AGBL1: variants seen among roughly 807,000 people sequenced by gnomAD.
AGBL1 encodes cytosolic carboxypeptidase 4.
A neutral mutation model predicts 118.9 loss-of-function variants in AGBL1; 130 were observed. That is an observed-to-expected ratio of 1.09 (90% CI 0.95 to 1.26). AGBL1 has a LOEUF of 1.26. Among genes scored for constraint, AGBL1 ranks in the 50% most tolerant of loss-of-function variants. The pLI is 0.00. For synonymous variants in AGBL1, 555 were observed against 478.9 expected (o/e 1.16, Z -2.08); for missense variants, 1,584 against 1,298.1 (o/e 1.22, Z -3.38).
Position 86,911,543 on chromosome 15 carries a change from C to G in AGBL1, c.*4249C>G, listed in dbSNP as rs1056537995. 1 of 152,286 alleles carries G rather than the reference C, an allele frequency of 6.6e-6. No individual in the cohort carries two copies. The highest frequency in any genetic ancestry group is 1.5e-5 in the Non-Finnish European group (1 of 68,122). 9.4% of individuals were successfully genotyped at this position (152,286 alleles called of 1,614,324 possible). A position where few individuals can be genotyped will look rare whatever the true frequency, so the allele number is the denominator to read the frequency against. On this transcript the variant is annotated 3_prime_UTR_variant, in exon 23 of 23. Coordinates refer to ENST00000614907, the MANE Select transcript of AGBL1 (RefSeq NM_001386094.1). ...CTCAGGTTCTGACATTCTTTGTTCT[C>G]TTTGATTTGCCACAGAACATACCCT...
At chr15:86,397,987 C>A (rs1447510409) in intron 18 of AGBL1, among the ~76,000 whole-genome samples, 1 of 152,110 alleles carries the variant, frequency 6.6e-6, no homozygotes, top group Non-Finnish European at 1.5e-5. Flanking sequence ...AGTCAGGGCC[C>A]AAACTGTGAT....
chr15:86,417,946 T>A (rs747925685), intron 18 of AGBL1, among the ~76,000 whole-genome samples: 1 of 152,204 alleles, frequency 6.6e-6, no homozygotes, highest in African/African-American at 2.4e-5. Flanking sequence ...AGCCTCGAAG[T>A]TATTTTTTAT....
intron 21 of AGBL1, among the ~76,000 whole-genome samples, chr15:86,619,866 G>A (rs925924420): frequency 3.3e-5 from 5 of 152,190 alleles, no homozygotes; most frequent in Admixed American, 6.5e-5. Context: ...GAACTGAAAT[G>A]TACATGCACA....
chr15:86,708,795 C>T (rs2142677010), intron 22 of AGBL1, among the ~76,000 whole-genome samples: 1 of 152,056 alleles, frequency 6.6e-6, no homozygotes, highest in South Asian at 2.1e-4. Flanking sequence ...CACCCTAGGC[C>T]AGGCCCTCCT....
At chr15:86,599,528 C>A (rs563652716) in intron 21 of AGBL1, among the ~76,000 whole-genome samples, 1 of 152,114 alleles carries the variant, frequency 6.6e-6, no homozygotes, top group South Asian at 2.1e-4. Context: ...TACCTCAAAT[C>A]CTTTGGGAAG....
chr15:86,679,381 A>G (rs2085909124), intron 22 of AGBL1, among the ~76,000 whole-genome samples: 1 of 151,982 alleles, frequency 6.6e-6, no homozygotes, highest in African/African-American at 2.4e-5. Context: ...CATTGCTTCT[A>G]AGTGCTTGTT....
At chr15:86,118,642 C>T (rs1401227965) in intron 1 of AGBL1, among the ~76,000 whole-genome samples, 1 of 151,954 alleles carries the variant, frequency 6.6e-6, no homozygotes, top group Non-Finnish European at 1.5e-5. Context: ...AATAAGAATG[C>T]TTTCCTGGAG....
intron 22 of AGBL1, among the ~76,000 whole-genome samples, chr15:86,827,472 T>G (rs1261651165): frequency 9.0e-4 from 10 of 11,094 alleles, no homozygotes; most frequent in African/African-American, 5.5e-3. Context: ...TATATATACA[T>G]ATATATATAT....
intron 21 of AGBL1, among the ~76,000 whole-genome samples, chr15:86,657,102 G>T (rs750851441): frequency 6.6e-6 from 1 of 151,930 alleles, no homozygotes; most frequent in African/African-American, 2.4e-5. Context: ...CACCTTCCTC[G>T]TTTCTCAGTG....
chr15:86,478,455 C>T (rs1434313403), intron 18 of AGBL1, among the ~76,000 whole-genome samples: 2 of 152,062 alleles, frequency 1.3e-5, no homozygotes, highest in African/African-American at 2.4e-5. Context: ...AACGGAGAGG[C>T]AAATCATGAG....
chr15:86,786,242 G>A (rs12916521), intron 22 of AGBL1, among the ~76,000 whole-genome samples: 41,541 of 151,878 alleles, frequency 0.27, 6,982 homozygotes, highest in Non-Finnish European at 0.39. Context: ...ATCTCCTAAA[G>A]CTATCCCTCC....
At chr15:86,156,609 G>A (rs1330387761) in intron 4 of AGBL1, among the ~76,000 whole-genome samples, 1 of 152,056 alleles carries the variant, frequency 6.6e-6, no homozygotes, top group East Asian at 1.9e-4. Flanking sequence ...GGGCATGTTC[G>A]TCACATGGCA....
At chr15:86,486,562 G>A (rs1012042174) in intron 18 of AGBL1, among the ~76,000 whole-genome samples, 1 of 152,158 alleles carries the variant, frequency 6.6e-6, no homozygotes, top group Admixed American at 6.6e-5. Context: ...ATTTCCCAGA[G>A]CAGGCAAGCA....
At chr15:86,854,488 G>A (rs1474262303) in intron 22 of AGBL1, among the ~76,000 whole-genome samples, 2 of 152,144 alleles carry the variant, frequency 1.3e-5, no homozygotes, top group Non-Finnish European at 2.9e-5. Flanking sequence ...AGGGCTGCAG[G>A]GGAGTCAAGC....
rs1481555095 is a variant in AGBL1 at position 86,468,968 on chromosome 15, T to C, written c.2556-53842T>C. Among the ~76,000 whole-genome samples the C allele has an allele frequency of 1.5e-4, 23 of 152,152 alleles. 1 individual carries two copies. The highest frequency in any genetic ancestry group is 1.5e-3 in the Admixed American group (23 of 15,280). Reference sequence around the variant, plus strand: ...GTATAATTTACAAATACAAATTGTATGTATTTATGGTGCACAATGTGATGT... The same window carrying C: ...GTATAATTTACAAATACAAATTGTACGTATTTATGGTGCACAATGTGATGT... On this transcript the variant is annotated intron_variant, in intron 18 of 22. Transcript: ENST00000614907.
intron 20 of AGBL1, among the ~76,000 whole-genome samples, chr15:86,549,607 T>C (rs2083635953): frequency 6.6e-6 from 1 of 152,038 alleles, no homozygotes; most frequent in Non-Finnish European, 1.5e-5. Context: ...ACTACAATTT[T>C]GTGAAGAATC....
At chr15:86,961,673 C>T (rs2080994273) in intron 23 of AGBL1, among the ~76,000 whole-genome samples, 1 of 152,058 alleles carries the variant, frequency 6.6e-6, no homozygotes, top group Admixed American at 6.6e-5. Context: ...GACCTCGATC[C>T]TCTGTATCTC....
intron 21 of AGBL1, among the ~76,000 whole-genome samples, chr15:86,640,769 C>T (rs921584513): frequency 6.6e-6 from 1 of 151,954 alleles, no homozygotes; most frequent in African/African-American, 2.4e-5. Flanking sequence ...ATGGTATGAC[C>T]TTTTAAAATA....
intron 3 of AGBL1, among the ~76,000 whole-genome samples, chr15:86,149,623 T>C (rs2077079941): frequency 6.6e-6 from 1 of 152,182 alleles, no homozygotes; most frequent in African/African-American, 2.4e-5. Context: ...CCCAGATTCA[T>C]AAAGCAAGTC....
Sources: gnomAD v4.1 joint callset for allele counts (sites outside exome capture counted in the v4.1 genomes callset) on GRCh38, gnomAD v4.1.1 for gene constraint, MANE v1.5 for transcripts, NCBI Gene and HGNC (gene_info 2026-07-23, HGNC 2026-07-21) for gene names.